RAPGEF4: variants seen among roughly 807,000 people sequenced by gnomAD.
The protein encoded by RAPGEF4 is RAP guanine-nucleotide-exchange factor (GEF) 4.
RAPGEF4 carries 66 observed loss-of-function variants against 147.9 expected under a neutral mutation model. That is an observed-to-expected ratio of 0.45 (90% CI 0.37 to 0.55). RAPGEF4 has a LOEUF of 0.55. Ranked by LOEUF, RAPGEF4 falls within the 20% of genes least tolerant of loss-of-function variation. The probability of loss-of-function intolerance (pLI) is 0.00; values close to 1 mark genes in which losing one functional copy is unlikely to be tolerated. For synonymous variants in RAPGEF4, 419 were observed against 442.7 expected, an observed-to-expected ratio of 0.95 and a Z score of 0.67; for missense variants, 1,071 against 1,257.3, an observed-to-expected ratio of 0.85 and a Z score of 2.24.
chr2:172,831,349 A>G (rs968856335), intron 4 of RAPGEF4, among the ~76,000 whole-genome samples: 2 of 128,478 alleles, frequency 1.6e-5, no homozygotes, highest in African/African-American at 5.9e-5. Flanking sequence ...GCTCACTGCA[A>G]CCTTTGCCTC....
chr2:172,929,415 A>G (rs1559127022), intron 6 of RAPGEF4, among the ~76,000 whole-genome samples: 2 of 152,226 alleles, frequency 1.3e-5, no homozygotes, highest in African/African-American at 4.8e-5. Flanking sequence ...CACATAATAT[A>G]TATAGACACA....
rs574084942 is a variant in RAPGEF4, at chr2:172,785,174, A to G, written c.66-9851A>G. Among the ~76,000 whole-genome samples, 410 of 152,362 alleles carry G rather than the reference A, an allele frequency of 2.7e-3. 3 individuals are homozygous for G. Among genetic ancestry groups the G allele is most frequent in the South Asian group, 0.022 (108 of 4,826 alleles). On this transcript the variant is annotated intron_variant, in intron 1 of 30. Transcript: ENST00000397081. ...TTATCTAACAGGGCTGCAATGATCA[A>G]AATTTTCAGTAAGTGTCAAGGCCCT... is the stretch of plus-strand genomic sequence containing the variant.
chr2:172,753,903 C>CT (rs1462912790), intron 1 of RAPGEF4, among the ~76,000 whole-genome samples: 1 of 151,714 alleles, frequency 6.6e-6, no homozygotes, highest in East Asian at 1.9e-4. Context: ...CACACACACC[C>CT]GACACACACC....
chr2:172,932,403 T>C (rs888461692), intron 6 of RAPGEF4, among the ~76,000 whole-genome samples: 2 of 152,236 alleles, frequency 1.3e-5, no homozygotes, highest in African/African-American at 2.4e-5. Flanking sequence ...TCTCAAGGAA[T>C]GGGGCTGTTA....
chr2:172,808,369 C>T (rs899452060), intron 3 of RAPGEF4, among the ~76,000 whole-genome samples: 1 of 152,168 alleles, frequency 6.6e-6, no homozygotes, highest in Non-Finnish European at 1.5e-5. Flanking sequence ...TGAATACGAG[C>T]TCCCCCAGAG....
chr2:172,779,983 T>G (rs1455974808), intron 1 of RAPGEF4, among the ~76,000 whole-genome samples: 1 of 152,212 alleles, frequency 6.6e-6, no homozygotes. Context: ...TCCAACTTCT[T>G]ACATGCATTT....
intron 10 of RAPGEF4, among the ~76,000 whole-genome samples, chr2:172,975,043 AG>A (rs1231088132): frequency 6.6e-6 from 1 of 152,234 alleles, no homozygotes; most frequent in Non-Finnish European, 1.5e-5. Flanking sequence ...TAGGGTTGCC[AG>A]GTTAAATACA....
At chr2:172,797,413 G>A (rs1686482555) in intron 2 of RAPGEF4, 112 bp from the exon 3 acceptor site, 2 of 734,174 alleles carry the variant, frequency 2.7e-6, no homozygotes, top group East Asian at 2.7e-5. Context: ...TAGGGGAAGG[G>A]TGGTAAGCTC....
intron 4 of RAPGEF4, among the ~76,000 whole-genome samples, chr2:172,856,013 C>T (rs762447296): frequency 2.0e-5 from 3 of 151,874 alleles, no homozygotes; most frequent in Non-Finnish European, 2.9e-5. Context: ...CGTTTTTTAA[C>T]CAAATTTTGG....
chr2:173,017,600 A>C (rs547383064), intron 21 of RAPGEF4, 96 bp downstream of exon 21: 1 of 1,203,682 alleles, frequency 8.3e-7, no homozygotes, highest in African/African-American at 1.5e-5. Context: ...GCTTCTTTTG[A>C]AGATGCCCTG....
At chr2:173,036,884 G>T in intron 29 of RAPGEF4, 192 bp downstream of exon 29, 1 of 487,458 alleles carries the variant, frequency 2.1e-6, no homozygotes, top group Admixed American at 3.5e-5. Flanking sequence ...AAATTGAATA[G>T]TATTTGTGTG....
intron 25 of RAPGEF4, among the ~76,000 whole-genome samples, chr2:173,028,498 A>G (rs891499634): frequency 3.9e-5 from 6 of 152,212 alleles, no homozygotes; most frequent in African/African-American, 1.4e-4. Flanking sequence ...TTGGGGCCTG[A>G]TCCTGTTATT....
chr2:172,813,309 G>A (rs1421284251), intron 3 of RAPGEF4, among the ~76,000 whole-genome samples: 2 of 152,170 alleles, frequency 1.3e-5, no homozygotes, highest in Non-Finnish European at 2.9e-5. Flanking sequence ...AGGTGATTTT[G>A]AGTGGCTATT....
At chr2:172,961,960 T>C (rs1689344028) in intron 8 of RAPGEF4, among the ~76,000 whole-genome samples, 1 of 152,224 alleles carries the variant, frequency 6.6e-6, no homozygotes, top group Non-Finnish European at 1.5e-5. Context: ...TATATTCATA[T>C]AGAATATGGA....
At chr2:172,831,342 C>T (rs1690323762) in intron 4 of RAPGEF4, among the ~76,000 whole-genome samples, 2 of 132,440 alleles carry the variant, frequency 1.5e-5, no homozygotes, top group South Asian at 2.5e-4. Context: ...AATCTTGGCT[C>T]ACTGCAACCT....
At chr2:172,833,635 GT>G (rs1690614540) in intron 4 of RAPGEF4, among the ~76,000 whole-genome samples, 1 of 152,180 alleles carries the variant, frequency 6.6e-6, no homozygotes, top group Admixed American at 6.5e-5. Flanking sequence ...TGTATCTACA[GT>G]TTATGAGATT....
At chr2:172,737,205 T>C (rs1346872969) in intron 1 of RAPGEF4, among the ~76,000 whole-genome samples, 11 of 152,236 alleles carry the variant, frequency 7.2e-5, no homozygotes, top group Non-Finnish European at 1.5e-5. Flanking sequence ...TTTTGGCAGG[T>C]AGTGCCCTAT....
chr2:173,005,798 G>A lies in RAPGEF4; in HGVS notation c.1658+4454G>A, dbSNP rs367798794. On this transcript the variant is annotated intron_variant, in intron 17 of 30. Coordinates refer to ENST00000397081, the MANE Select transcript of RAPGEF4 (RefSeq NM_007023.4). Reference sequence around the variant, plus strand: ...GGCCTCCCAAAGTGCTGGGATTACAGGCATGAGCCACCATGCCTGGTATTT... The same window carrying A: ...GGCCTCCCAAAGTGCTGGGATTACAAGCATGAGCCACCATGCCTGGTATTT... Among the ~76,000 whole-genome samples, 21 of 152,264 alleles carry A rather than the reference G, an allele frequency of 1.4e-4. 1 individual carries two copies. Among genetic ancestry groups the A allele is most frequent in the African/African-American group, 4.6e-4 (19 of 41,570 alleles).
chr2:172,847,753 C>T (rs1442806630), intron 4 of RAPGEF4, among the ~76,000 whole-genome samples: 1 of 152,136 alleles, frequency 6.6e-6, no homozygotes, highest in East Asian at 1.9e-4. Flanking sequence ...CCAGGGATTA[C>T]GTGAAACTTT....
Sources: gnomAD v4.1 joint callset for allele counts (sites outside exome capture counted in the v4.1 genomes callset) on GRCh38, gnomAD v4.1.1 for gene constraint, MANE v1.5 for transcripts, NCBI Gene and HGNC (gene_info 2026-07-23, HGNC 2026-07-21) for gene names.